The following GPC5 variants were observed in gnomAD, a reference collection of about 807,000 sequenced individuals.
GPC5 encodes the protein glypican 5, also known as glypican-5.
GPC5 carries 47 observed loss-of-function variants against 53.9 expected under a neutral mutation model. The ratio of observed to expected loss-of-function variants is 0.87; its 90% CI spans 0.69 to 1.11. GPC5 has a LOEUF of 1.11. Among genes scored for constraint, GPC5 ranks in the 50% most tolerant of loss-of-function variants. The pLI is 0.00. For synonymous variants in GPC5, 286 were observed against 263.3 expected, an observed-to-expected ratio of 1.09 and a Z score of -0.84; for missense variants, 748 against 713.1, an observed-to-expected ratio of 1.05 and a Z score of -0.56.
intron 7 of GPC5, among the ~76,000 whole-genome samples, chr13:92,224,996 G>A (rs2042474616): frequency 6.6e-6 from 1 of 152,192 alleles, no homozygotes. Context: ...CCATGGCACA[G>A]CACTATCCTT....
At chr13:91,589,678 A>G (rs1445192578) in intron 2 of GPC5, among the ~76,000 whole-genome samples, 1 of 152,130 alleles carries the variant, frequency 6.6e-6, no homozygotes, top group East Asian at 1.9e-4. Flanking sequence ...TCACTCAAAA[A>G]GTCAACTTCA....
Position 92,322,273 on chromosome 13 carries a change from G to T in GPC5, c.1561+177284G>T, listed in dbSNP as rs2043221157. 2.0e-5 allele frequency among the ~76,000 whole-genome samples: 3 copies of T among 150,686 alleles called. No individual in the cohort carries two copies. The South Asian group carries it at 6.3e-4, about 31-fold the overall frequency. On this transcript the variant is annotated intron_variant, in intron 7 of 7. Coordinates refer to ENST00000377067, the MANE Select transcript of GPC5 (RefSeq NM_004466.6). ...AGTAACCAAGTAGATGGTGAATGGG[G>T]GAAAAAAAAAAGTTCACAAACTGTG... is the stretch of plus-strand genomic sequence containing the variant.
chr13:92,755,885 G>A (rs1382087608), intron 7 of GPC5, among the ~76,000 whole-genome samples: 10 of 146,178 alleles, frequency 6.8e-5, no homozygotes, highest in African/African-American at 1.5e-4. Flanking sequence ...ATTCACAGCC[G>A]AATTCTACCA....
intron 2 of GPC5, among the ~76,000 whole-genome samples, chr13:91,583,344 C>T (rs186824189): frequency 6.6e-6 from 1 of 152,132 alleles, no homozygotes; most frequent in Admixed American, 6.5e-5. Context: ...GTGAATTTAG[C>T]CAAGGTTGTG....
chr13:92,793,452 C>A (rs187456987), intron 7 of GPC5, among the ~76,000 whole-genome samples: 6 of 152,180 alleles, frequency 3.9e-5, no homozygotes, highest in South Asian at 2.1e-4. Context: ...AAAATCGACA[C>A]CCTAACATCA....
At chr13:92,731,750 T>C (rs1174126508) in intron 7 of GPC5, among the ~76,000 whole-genome samples, 1 of 151,342 alleles carries the variant, frequency 6.6e-6, no homozygotes, top group Non-Finnish European at 1.5e-5. Flanking sequence ...CTCACAGAAA[T>C]TAGAAATAAT....
chr13:92,801,283 C>T (rs149635326), intron 7 of GPC5, among the ~76,000 whole-genome samples: 17 of 151,726 alleles, frequency 1.1e-4, no homozygotes, highest in East Asian at 3.9e-4. Flanking sequence ...ACTGCATATA[C>T]GACTGGTTCC....
At chr13:92,626,931 C>T (rs1885064872) in intron 7 of GPC5, among the ~76,000 whole-genome samples, 1 of 152,044 alleles carries the variant, frequency 6.6e-6, no homozygotes, top group South Asian at 2.1e-4. Context: ...ATTTTGCCTT[C>T]TATAACATCA....
chr13:92,182,614 G>T (rs1166042813), intron 7 of GPC5, among the ~76,000 whole-genome samples: 1 of 151,962 alleles, frequency 6.6e-6, no homozygotes, highest in African/African-American at 2.4e-5. Context: ...AATTCCGATC[G>T]CCATAAGTAT....
chr13:92,120,772 A>C (rs374856126), intron 6 of GPC5, among the ~76,000 whole-genome samples: 3 of 152,142 alleles, frequency 2.0e-5, no homozygotes, highest in Admixed American at 1.3e-4. Flanking sequence ...TTGAGATGTG[A>C]AATTTTATCT....
At chr13:92,661,934 A>C (rs1266794469) in intron 7 of GPC5, among the ~76,000 whole-genome samples, 1 of 152,148 alleles carries the variant, frequency 6.6e-6, no homozygotes, top group African/African-American at 2.4e-5. Context: ...TCTTTGTTCA[A>C]TAACCTCTGT....
rs576221522 is a variant in GPC5, at chr13:92,116,786, A to G, written c.1402-28044A>G. 2.6e-5 allele frequency among the ~76,000 whole-genome samples: 4 copies of G among 152,214 alleles called. No homozygotes were observed. The East Asian group carries it at 7.7e-4, about 29-fold the overall frequency. On this transcript the variant is annotated intron_variant, in intron 6 of 7. Transcript: ENST00000377067. The stretch of plus-strand genomic sequence containing the variant: ...GTATCTCATTGTAATTTTAATTTGT[A>G]CTTTCTGATGACTAATTATGCTAAG...
At chr13:92,714,162 T>C (rs1888248706) in intron 7 of GPC5, among the ~76,000 whole-genome samples, 1 of 152,192 alleles carries the variant, frequency 6.6e-6, no homozygotes, top group Admixed American at 6.6e-5. Flanking sequence ...TGATAGGATG[T>C]CATGGAAGTC....
intron 6 of GPC5, among the ~76,000 whole-genome samples, chr13:92,063,627 T>C (rs1341333848): frequency 6.6e-6 from 1 of 152,026 alleles, no homozygotes; most frequent in African/African-American, 2.4e-5. Flanking sequence ...AATAAATAAA[T>C]AAATAAGAAC....
intron 2 of GPC5, among the ~76,000 whole-genome samples, chr13:91,513,828 C>A (rs752537910): frequency 1.8e-4 from 28 of 152,166 alleles, no homozygotes; most frequent in Non-Finnish European, 3.2e-4. Flanking sequence ...CCTTCCACAG[C>A]TTTTTCCTTG....
intron 7 of GPC5, among the ~76,000 whole-genome samples, chr13:92,522,938 CAAT>C (rs1293573576): frequency 6.6e-6 from 1 of 151,730 alleles, no homozygotes; most frequent in Non-Finnish European, 1.5e-5. Flanking sequence ...TTGGTAAAAA[CAAT>C]GTTTTATGGA....
intron 2 of GPC5, among the ~76,000 whole-genome samples, chr13:91,615,470 G>T (rs756650830): frequency 1.3e-5 from 2 of 152,140 alleles, no homozygotes; most frequent in Non-Finnish European, 2.9e-5. Context: ...GACTAAAAAT[G>T]CAGGCTTTAT....
At chr13:91,850,706 G>A (rs749980027) in intron 5 of GPC5, among the ~76,000 whole-genome samples, 3 of 151,418 alleles carry the variant, frequency 2.0e-5, no homozygotes, top group Non-Finnish European at 2.9e-5. Flanking sequence ...ACAAATGCCA[G>A]TGCTTTTCCT....
chr13:92,246,546 A>G (rs549498158), intron 7 of GPC5, among the ~76,000 whole-genome samples: 1 of 152,240 alleles, frequency 6.6e-6, no homozygotes, highest in Non-Finnish European at 1.5e-5. Flanking sequence ...TATTATTGCC[A>G]TACAGAAGAC....
Sources: gnomAD v4.1 joint callset for allele counts (sites outside exome capture counted in the v4.1 genomes callset) on GRCh38, gnomAD v4.1.1 for gene constraint, MANE v1.5 for transcripts, NCBI Gene and HGNC (gene_info 2026-07-23, HGNC 2026-07-21) for gene names.